Variants in PBX1 observed in about 807,000 individuals in gnomAD.
PBX1 encodes PBX homeobox 1.
A neutral mutation model predicts 53.4 loss-of-function variants in PBX1; 6 were observed. That is an observed-to-expected ratio of 0.11 (90% CI 0.06 to 0.22). PBX1 has a LOEUF of 0.22. Ranked by LOEUF, PBX1 falls within the 10% of genes least tolerant of loss-of-function variation. PBX1 has a pLI of 1.00. For missense variants in PBX1, 251 were observed against 551.4 expected (o/e 0.46, Z 5.46); for synonymous variants, 204 against 212.3 (o/e 0.96, Z 0.34).
At chr1:164,761,602 G>A (rs1666818744) in intron 2 of PBX1, among the ~76,000 whole-genome samples, 1 of 152,124 alleles carries the variant, frequency 6.6e-6, no homozygotes, top group South Asian at 2.1e-4. Flanking sequence ...GCGCCACCAT[G>A]CCCGGCTAAT....
intron 2 of PBX1, among the ~76,000 whole-genome samples, chr1:164,734,494 A>G (rs546112081): frequency 7.9e-5 from 12 of 152,286 alleles, no homozygotes; most frequent in African/African-American, 2.9e-4. Flanking sequence ...CCAAGTTCTA[A>G]CTCATAAAGT....
chr1:164,811,936 A>T (rs1028230545), intron 5 of PBX1, 54 bp from the exon 6 acceptor site: 2 of 1,494,272 alleles, frequency 1.3e-6, no homozygotes, highest in South Asian at 1.3e-5. Flanking sequence ...TTCTTCTGCA[A>T]TGTTTCTGAA....
intron 2 of PBX1, among the ~76,000 whole-genome samples, chr1:164,629,229 T>TGA (rs1487436718): frequency 6.6e-6 from 1 of 150,960 alleles, no homozygotes; most frequent in Admixed American, 6.6e-5. Flanking sequence ...GATCTAAAAT[T>TGA]GAAAAAAAAA....
chr1:164,775,063 C>T (rs772636696), intron 2 of PBX1, among the ~76,000 whole-genome samples: 20 of 152,140 alleles, frequency 1.3e-4, no homozygotes, highest in Non-Finnish European at 2.1e-4. Context: ...TTCGCTACAC[C>T]GAGGAAGCTC....
chr1:164,850,896 A>G lies in PBX1; in HGVS notation c.*4220A>G, dbSNP rs1671802139. 1 of 211,932 alleles carries G rather than the reference A, an allele frequency of 4.7e-6. No homozygotes were observed. The highest frequency in any genetic ancestry group is 9.6e-6 in the Non-Finnish European group (1 of 104,596). The allele number at this position is 211,932 out of a possible 1,614,324, so 13.1% of individuals were successfully genotyped here. On this transcript the variant is annotated 3_prime_UTR_variant, in exon 9 of 9. Transcript: ENST00000420696. ...TTGTTTTATTTCTCCCTAATTAATA[A>G]CTACATTCCATGAGGCCTCTTCCAA...
intron 2 of PBX1, among the ~76,000 whole-genome samples, chr1:164,866,935 G>C (rs1445896062): frequency 3.9e-5 from 6 of 152,150 alleles, no homozygotes; most frequent in Non-Finnish European, 8.8e-5. Flanking sequence ...CTGATACAGT[G>C]GCTGTTGATG....
intron 2 of PBX1, among the ~76,000 whole-genome samples, chr1:164,735,968 T>C (rs1282851870): frequency 6.6e-6 from 1 of 152,118 alleles, no homozygotes; most frequent in Non-Finnish European, 1.5e-5. Context: ...GTTTGTTTGC[T>C]CAGGAGTCAT....
intron 2 of PBX1, among the ~76,000 whole-genome samples, chr1:164,677,531 T>G (rs1661503877): frequency 6.6e-6 from 1 of 152,126 alleles, no homozygotes; most frequent in Non-Finnish European, 1.5e-5. Flanking sequence ...GACTAAAATA[T>G]GTAAACCACA....
At chr1:164,751,171 C>T (rs1400965247) in intron 2 of PBX1, among the ~76,000 whole-genome samples, 2 of 151,590 alleles carry the variant, frequency 1.3e-5, no homozygotes, top group South Asian at 2.1e-4. Context: ...CAAAATTAGC[C>T]GGGCATGGTG....
At chr1:164,833,180 T>A (rs193233087) in intron 8 of PBX1, among the ~76,000 whole-genome samples, 3 of 151,116 alleles carry the variant, frequency 2.0e-5, no homozygotes, top group Admixed American at 1.3e-4. Context: ...ATCAGGGCAA[T>A]AACCCTCCCC....
intron 2 of PBX1, among the ~76,000 whole-genome samples, chr1:164,715,532 G>T (rs998472713): frequency 2.6e-5 from 4 of 152,158 alleles, no homozygotes; most frequent in African/African-American, 9.7e-5. Flanking sequence ...CCTGAAGAAG[G>T]GAAGAGACAG....
At chr1:164,858,941 A>G (rs751121377) in intron 2 of PBX1, among the ~76,000 whole-genome samples, 4 of 152,104 alleles carry the variant, frequency 2.6e-5, no homozygotes, top group Non-Finnish European at 5.9e-5. Context: ...AAGGTGCTGG[A>G]GATTTTACTT....
intron 2 of PBX1, among the ~76,000 whole-genome samples, chr1:164,615,920 G>T (rs192900453): frequency 5.3e-5 from 8 of 152,132 alleles, no homozygotes; most frequent in African/African-American, 2.4e-5. Context: ...TGGAAGGGTC[G>T]CAGAGGTTAA....
chr1:164,579,105 TGAA>T (rs1654446475), intron 2 of PBX1, among the ~76,000 whole-genome samples: 1 of 152,294 alleles, frequency 6.6e-6, no homozygotes, highest in East Asian at 1.9e-4. Flanking sequence ...GCTTCTGCCT[TGAA>T]GGAGTACTGA....
At chr1:164,885,022 G>A (rs900940531) in intron 2 of PBX1, among the ~76,000 whole-genome samples, 2 of 152,096 alleles carry the variant, frequency 1.3e-5, no homozygotes, top group Admixed American at 6.5e-5. Flanking sequence ...CCCCTGTACC[G>A]GTCACTGTGT....
chr1:164,599,857 C>CT (rs569656610), intron 2 of PBX1, among the ~76,000 whole-genome samples: 3 of 151,600 alleles, frequency 2.0e-5, no homozygotes, highest in Admixed American at 6.6e-5. Context: ...CCTCTCCCCG[C>CT]TTTTTTTTTC....
chr1:164,732,062 C>T (rs1665020641), intron 2 of PBX1, among the ~76,000 whole-genome samples: 1 of 152,106 alleles, frequency 6.6e-6, no homozygotes, highest in Non-Finnish European at 1.5e-5. Context: ...CAGTGATGCA[C>T]GAAGCACCAG....
chr1:164,849,452 G>A lies in PBX1; in HGVS notation c.*2776G>A. 6.5e-7 allele frequency: 1 copy of A among 1,535,056 alleles called. No individual in the cohort carries two copies. The highest frequency in any genetic ancestry group is 8.7e-7 in the Non-Finnish European group (1 of 1,146,434). On this transcript the variant is annotated 3_prime_UTR_variant, in exon 9 of 9. Transcript: ENST00000420696. ...GGAGAACACTGAGAGCAGCAGGATG[G>A]GTTTGGAAAGAGCATGCCTCTGGAA...
chr1:164,570,088 A>G (rs1165112457), intron 2 of PBX1, among the ~76,000 whole-genome samples: 3 of 152,248 alleles, frequency 2.0e-5, no homozygotes, highest in Non-Finnish European at 4.4e-5. Flanking sequence ...TTGTGTAATC[A>G]TAGTTAAAAA....
Sources: gnomAD v4.1 joint callset for allele counts (sites outside exome capture counted in the v4.1 genomes callset) on GRCh38, gnomAD v4.1.1 for gene constraint, MANE v1.5 for transcripts, NCBI Gene and HGNC (gene_info 2026-07-23, HGNC 2026-07-21) for gene names.